The following NR3C2 variants were observed in gnomAD, a reference collection of about 807,000 sequenced individuals.
NR3C2 encodes mineralocorticoid receptor.
A neutral mutation model predicts 86.4 loss-of-function variants in NR3C2; 15 were observed. The observed-to-expected ratio is 0.17, with a 90% CI of 0.12 to 0.27. The LOEUF is 0.27. Ranked by LOEUF, NR3C2 falls within the 10% of genes least tolerant of loss-of-function variation. The pLI is 1.00. For synonymous variants in NR3C2, 458 were observed against 450.5 expected, an observed-to-expected ratio of 1.02 and a Z score of -0.21; for missense variants, 960 against 1,195.6, an observed-to-expected ratio of 0.80 and a Z score of 2.91.
chr4:148,348,170 C>G (rs7700126), intron 2 of NR3C2, among the ~76,000 whole-genome samples: 45,230 of 151,942 alleles, frequency 0.3, 7,309 homozygotes, highest in Middle Eastern at 0.41. Context: ...CATCTCAGAG[C>G]AGCCCGGTCT....
intron 6 of NR3C2, among the ~76,000 whole-genome samples, chr4:148,145,945 C>G (rs4835489): frequency 0.67 from 101,757 of 151,724 alleles, 34,241 homozygotes; most frequent in East Asian, 0.79. Flanking sequence ...GAAGGAGTAA[C>G]AGAGAAGGGA....
At chr4:148,429,312 TA>T (rs1356300079) in intron 2 of NR3C2, among the ~76,000 whole-genome samples, 1 of 152,240 alleles carries the variant, frequency 6.6e-6, no homozygotes, top group Admixed American at 6.5e-5. Flanking sequence ...GAATATTCGT[TA>T]CATACCAATG....
intron 2 of NR3C2, among the ~76,000 whole-genome samples, chr4:148,408,087 A>T (rs1479071700): frequency 6.6e-6 from 1 of 152,146 alleles, no homozygotes; most frequent in African/African-American, 2.4e-5. Context: ...AGCAGGAGGC[A>T]ACCCAACATG....
intron 2 of NR3C2, among the ~76,000 whole-genome samples, chr4:148,297,172 T>A (rs11723856): frequency 0.025 from 3,839 of 152,088 alleles, 83 homozygotes; most frequent in Non-Finnish European, 0.039. Flanking sequence ...AGTGAATGAA[T>A]CAATGAAGAA....
intron 2 of NR3C2, among the ~76,000 whole-genome samples, chr4:148,408,750 C>G (rs72658638): frequency 3.9e-4 from 59 of 152,132 alleles, no homozygotes; most frequent in Middle Eastern, 3.4e-3. Context: ...CCCATAATAT[C>G]ACCATTCAGA....
chr4:148,374,246 T>G (rs376132485), intron 2 of NR3C2, among the ~76,000 whole-genome samples: 1 of 152,234 alleles, frequency 6.6e-6, no homozygotes, highest in Non-Finnish European at 1.5e-5. Context: ...CCTACATTCT[T>G]TGAATATAAA....
At position 148,114,104 on chromosome 4, in the gene NR3C2, G is replaced by A. The variant is rs371422334; in HGVS notation, c.2799C>T (p.Asp933=). The change falls in exon 8 of 9, where the codon GAC becomes GAT. Residue 933 remains aspartate (D), a splice_region_variant and synonymous_variant. Coordinates refer to ENST00000358102, the MANE Select transcript of NR3C2 (RefSeq NM_000901.5). The part of the protein sequence containing the change: ...QLTKLLDSMH[D]LVSDLLEFCF... ...GGAACCAAGGAGGGGCTCTACTCAC[G>A]TCATGCATGGAGTCCAGCAGCTTGG... 2.4e-5 allele frequency: 39 copies of A among 1,612,906 alleles called. No individual in the cohort carries two copies. The highest frequency in any genetic ancestry group is 1.8e-4 in the Middle Eastern group (1 of 5,578).
At chr4:148,134,909 C>T (rs956994600) in intron 6 of NR3C2, among the ~76,000 whole-genome samples, 1 of 151,784 alleles carries the variant, frequency 6.6e-6, no homozygotes, top group African/African-American at 2.4e-5. Context: ...CGCCCCACCT[C>T]GGCTTCCCAA....
chr4:148,365,466 C>T (rs1746064451), intron 2 of NR3C2, among the ~76,000 whole-genome samples: 2 of 152,214 alleles, frequency 1.3e-5, no homozygotes, highest in East Asian at 1.9e-4. Context: ...TTTTTTAGTG[C>T]CATGGATCTT....
chr4:148,266,421 G>A lies in NR3C2; in HGVS notation c.1758-6304C>T, dbSNP rs528111911. ...CTGAAATGACAGAGTAGCCAGCCAC[G>A]TGAAGGTGCCAAAGGTAAGGGCAAG... On this transcript the variant is annotated intron_variant, in intron 2 of 8. Coordinates refer to ENST00000358102, the MANE Select transcript of NR3C2 (RefSeq NM_000901.5). Among the ~76,000 whole-genome samples, 24 of 152,252 alleles carry A rather than the reference G, an allele frequency of 1.6e-4. 1 individual carries two copies. The South Asian group carries it at 3.9e-3, about 25-fold the overall frequency.
intron 3 of NR3C2, among the ~76,000 whole-genome samples, chr4:148,195,798 A>G (rs544243634): frequency 5.9e-5 from 9 of 152,300 alleles, no homozygotes; most frequent in African/African-American, 2.2e-4. Flanking sequence ...AACAGCAGGG[A>G]CACCAGGGTG....
At chr4:148,099,524 C>T (rs1487449220) in intron 8 of NR3C2, among the ~76,000 whole-genome samples, 1 of 152,068 alleles carries the variant, frequency 6.6e-6, no homozygotes, top group Non-Finnish European at 1.5e-5. Flanking sequence ...TCCAAGTAAG[C>T]ATTACTATTA....
At chr4:148,188,910 T>C (rs1242466500) in intron 4 of NR3C2, among the ~76,000 whole-genome samples, 2 of 151,578 alleles carry the variant, frequency 1.3e-5, no homozygotes, top group Non-Finnish European at 2.9e-5. Flanking sequence ...ATATACCTTG[T>C]ATGCCGATTT....
rs146052803 is a variant in NR3C2 at position 148,214,387 on chromosome 4, G to A, written c.1898-19525C>T. 6.3e-3 allele frequency among the ~76,000 whole-genome samples: 951 copies of A among 152,034 alleles called. 5 individuals are homozygous for A. Among genetic ancestry groups the A allele is most frequent in the Non-Finnish European group, 0.01 (708 of 67,968 alleles). On this transcript the variant is annotated intron_variant, in intron 3 of 8. Transcript: ENST00000358102. ...GTTTTTTTTTTTAAAAAGGAAAACA[G>A]AGTAATACAACAACTATGTTATATA... is the stretch of plus-strand genomic sequence containing the variant.
At chr4:148,346,286 C>A (rs894105805) in intron 2 of NR3C2, among the ~76,000 whole-genome samples, 1 of 152,082 alleles carries the variant, frequency 6.6e-6, no homozygotes, top group Non-Finnish European at 1.5e-5. Context: ...AGTTAGGAGG[C>A]TATCAACATA....
At chr4:148,264,697 C>A (rs1740290075) in intron 2 of NR3C2, among the ~76,000 whole-genome samples, 1 of 152,074 alleles carries the variant, frequency 6.6e-6, no homozygotes, top group Non-Finnish European at 1.5e-5. Context: ...CCAAGATATC[C>A]TTTTAAGATA....
intron 5 of NR3C2, among the ~76,000 whole-genome samples, chr4:148,152,985 A>G (rs1182074743): frequency 6.6e-6 from 1 of 152,208 alleles, no homozygotes. Flanking sequence ...GGGTAATTTA[A>G]TAACTGTCAA....
intron 8 of NR3C2, among the ~76,000 whole-genome samples, chr4:148,105,153 T>G (rs1251641402): frequency 6.6e-6 from 1 of 152,126 alleles, no homozygotes; most frequent in Non-Finnish European, 1.5e-5. Context: ...ACTAATTATA[T>G]GAACTATGAC....
At chr4:148,231,576 T>C (rs1056900620) in intron 3 of NR3C2, among the ~76,000 whole-genome samples, 2 of 152,228 alleles carry the variant, frequency 1.3e-5, no homozygotes, top group African/African-American at 4.8e-5. Context: ...AGTAATAATC[T>C]TTTAGCAGGT....
Sources: gnomAD v4.1 joint callset for allele counts (sites outside exome capture counted in the v4.1 genomes callset) on GRCh38, gnomAD v4.1.1 for gene constraint, MANE v1.5 for transcripts, NCBI Gene and HGNC (gene_info 2026-07-23, HGNC 2026-07-21) for gene names.